The following FTO variants were observed in gnomAD, a reference collection of about 807,000 sequenced individuals.
The protein encoded by FTO is alpha-ketoglutarate-dependent dioxygenase FTO.
FTO carries 47 observed loss-of-function variants against 63.9 expected under a neutral mutation model. That is an observed-to-expected ratio of 0.74 (90% CI 0.58 to 0.94). The LOEUF is 0.94. FTO is among the 40% of genes least tolerant of loss of function. FTO has a pLI of 0.00. For missense variants in FTO, 562 were observed against 618.1 expected, an observed-to-expected ratio of 0.91 and a Z score of 0.96; for synonymous variants, 207 against 224.4, an observed-to-expected ratio of 0.92 and a Z score of 0.69.
At position 54,100,646 on chromosome 16, in the gene FTO, C is replaced by T. The variant is rs986995776; in HGVS notation, c.1365-11116C>T. Among the ~76,000 whole-genome samples, 4 of 152,208 alleles carry T rather than the reference C, an allele frequency of 2.6e-5. No homozygotes were observed. The East Asian group carries it at 7.7e-4, about 29-fold the overall frequency. The stretch of plus-strand genomic sequence containing the variant: ...GGGATAACAGACGTGAGCCACTGTG[C>T]CAAGCCTTATTGGCTCTTTTAAATG... On this transcript the variant is annotated intron_variant, in intron 8 of 8. Coordinates refer to ENST00000471389, the MANE Select transcript of FTO (RefSeq NM_001080432.3).
chr16:53,777,465 A>G (rs1002717736), intron 1 of FTO, among the ~76,000 whole-genome samples: 1 of 152,226 alleles, frequency 6.6e-6, no homozygotes, highest in African/African-American at 2.4e-5. Context: ...ATCCGAAGCT[A>G]TCTCAATTAA....
rs945889362 is a variant in FTO at position 53,724,473 on chromosome 16, G to A, written c.45+20244G>A. Among the ~76,000 whole-genome samples, 6 of 152,208 alleles carry A rather than the reference G, an allele frequency of 3.9e-5. No individual in the cohort carries two copies. The South Asian group carries it at 1.0e-3, about 26-fold the overall frequency. On this transcript the variant is annotated intron_variant, in intron 1 of 8. Coordinates refer to ENST00000471389, the MANE Select transcript of FTO (RefSeq NM_001080432.3). ...AAGTTCATTTGTACCACTAAATACT[G>A]TCTCTGATGGGGGCCACTAGGGCTC...
intron 8 of FTO, among the ~76,000 whole-genome samples, chr16:53,976,591 A>T (rs1329506679): frequency 6.6e-6 from 1 of 152,140 alleles, no homozygotes; most frequent in Non-Finnish European, 1.5e-5. Flanking sequence ...AGATTCCGAT[A>T]GTCAGATTCC....
intron 8 of FTO, among the ~76,000 whole-genome samples, chr16:54,064,222 T>C (rs1197721490): frequency 6.6e-6 from 1 of 152,230 alleles, no homozygotes; most frequent in Non-Finnish European, 1.5e-5. Context: ...TTGAGTGCTA[T>C]ATATTTAAAC....
At chr16:53,768,111 G>A (rs937380707) in intron 1 of FTO, among the ~76,000 whole-genome samples, 25 of 152,286 alleles carry the variant, frequency 1.6e-4, no homozygotes, top group African/African-American at 6.0e-4. Flanking sequence ...TATTTAAGTA[G>A]ATGCTTAGTG....
intron 8 of FTO, among the ~76,000 whole-genome samples, chr16:53,940,965 G>C (rs74022306): frequency 0.034 from 5,168 of 152,252 alleles, 149 homozygotes; most frequent in African/African-American, 0.084. Context: ...CTGGTTGTTG[G>C]AACCTAGAAT....
intron 4 of FTO, among the ~76,000 whole-genome samples, chr16:53,871,115 C>T (rs2080480074): frequency 6.6e-6 from 1 of 152,114 alleles, no homozygotes; most frequent in African/African-American, 2.4e-5. Context: ...TAAGACATTT[C>T]ATTATGACAT....
intron 8 of FTO, among the ~76,000 whole-genome samples, chr16:54,081,361 A>G (rs1010863997): frequency 6.6e-6 from 1 of 152,146 alleles, no homozygotes; most frequent in South Asian, 2.1e-4. Context: ...GCAGGTCCCC[A>G]GTTTTTCTTG....
chr16:53,841,291 A>C (rs2079469993), intron 3 of FTO, among the ~76,000 whole-genome samples: 1 of 151,912 alleles, frequency 6.6e-6, no homozygotes, highest in South Asian at 2.1e-4. Flanking sequence ...TCATTCTAGA[A>C]GGTTTATAAA....
In FTO at chr16:54,004,828, T is replaced by C. The variant is rs142795023; in HGVS notation, c.1364+70719T>C. 1.7e-3 allele frequency among the ~76,000 whole-genome samples: 256 copies of C among 152,178 alleles called. 2 individuals are homozygous for C. Among genetic ancestry groups the C allele is most frequent in the African/African-American group, 5.6e-3 (233 of 41,520 alleles). On this transcript the variant is annotated intron_variant, in intron 8 of 8. Transcript: ENST00000471389. The stretch of plus-strand genomic sequence containing the variant: ...GCTCACACCTGTAATCCCAGTACTT[T>C]GGGAGGCTGAGGCGAGCGGATCATG...
chr16:53,725,323 T>C (rs1304263270), intron 1 of FTO, among the ~76,000 whole-genome samples: 2 of 152,236 alleles, frequency 1.3e-5, no homozygotes, highest in Non-Finnish European at 2.9e-5. Context: ...ACTCAGATTA[T>C]GCTGCTGGAA....
intron 8 of FTO, among the ~76,000 whole-genome samples, chr16:54,107,577 C>T (rs1172012951): frequency 2.0e-5 from 3 of 152,196 alleles, no homozygotes; most frequent in African/African-American, 7.2e-5. Flanking sequence ...GCTGTATCAA[C>T]CACAACATCT....
At chr16:53,737,755 G>A (rs2076423075) in intron 1 of FTO, among the ~76,000 whole-genome samples, 1 of 152,044 alleles carries the variant, frequency 6.6e-6, no homozygotes, top group Admixed American at 6.6e-5. Context: ...TATGACGAGA[G>A]AGTATGTACC....
At chr16:53,720,718 T>C (rs1474813920) in intron 1 of FTO, among the ~76,000 whole-genome samples, 1 of 149,792 alleles carries the variant, frequency 6.7e-6, no homozygotes, top group Admixed American at 6.7e-5. Flanking sequence ...AGCACAGAAC[T>C]TTGTTGACAG....
At chr16:53,920,812 A>G (rs1279925977) in intron 7 of FTO, among the ~76,000 whole-genome samples, 2 of 152,178 alleles carry the variant, frequency 1.3e-5, no homozygotes, top group African/African-American at 4.8e-5. Flanking sequence ...CTAAATAAAC[A>G]TAGCTGTTGT....
chr16:53,888,837 G>A lies in FTO; in HGVS notation c.1125G>A (p.Glu375=). The change falls in exon 7 of 9, where the codon GAG becomes GAA. Residue 375 remains glutamate (E), a synonymous_variant. Coordinates refer to ENST00000471389, the MANE Select transcript of FTO (RefSeq NM_001080432.3). ...KQGEEIHNEV[E]FEWLRQFWFQ... ...CTTCTCTTTATGGTCCACAGGTCGAGTTTGAGTGGCTGAGGCAGTTTTGGT... is the reference window on the plus strand; with the variant it reads ...CTTCTCTTTATGGTCCACAGGTCGAATTTGAGTGGCTGAGGCAGTTTTGGT... 1.9e-6 allele frequency: 3 copies of A among 1,614,106 alleles called. No individual in the cohort carries two copies. Among genetic ancestry groups the A allele is most frequent in the Non-Finnish European group, 1.7e-6 (2 of 1,179,948 alleles).
Position 53,849,480 on chromosome 16 carries a change from T to A in FTO, c.895+5182T>A, listed in dbSNP as rs543194994. ...CCATTCCATACGTATATTTGCTACA[T>A]ATAGGAACTACAAGAAAGGGAAGTT... On this transcript the variant is annotated intron_variant, in intron 4 of 8. Coordinates refer to ENST00000471389, the MANE Select transcript of FTO (RefSeq NM_001080432.3). Among the ~76,000 whole-genome samples, 11 of 152,324 alleles carry A rather than the reference T, an allele frequency of 7.2e-5. No homozygotes were observed. In the South Asian group the frequency reaches 2.3e-3, roughly 32 times the overall value.
At chr16:53,969,275 G>C (rs1159850196) in intron 8 of FTO, among the ~76,000 whole-genome samples, 2 of 152,124 alleles carry the variant, frequency 1.3e-5, no homozygotes. Context: ...TTAAAGGACA[G>C]CATTTGTCCT....
intron 4 of FTO, among the ~76,000 whole-genome samples, chr16:53,869,876 A>C (rs1413324681): frequency 6.6e-6 from 1 of 152,114 alleles, no homozygotes; most frequent in African/African-American, 2.4e-5. Flanking sequence ...ATTTTTGCTC[A>C]GTTTTTTCAA....
Sources: allele counts gnomAD v4.1 joint callset (sites outside exome capture counted in the v4.1 genomes callset), GRCh38; gene constraint gnomAD v4.1.1; transcripts MANE v1.5; gene names NCBI Gene and HGNC (gene_info 2026-07-23, HGNC 2026-07-21).